The following NEDD9 variants were observed in gnomAD, a reference collection of about 807,000 sequenced individuals.
NEDD9 encodes neural precursor cell expressed, developmentally down-regulated 9.
Under a neutral mutation model 76.6 loss-of-function variants are expected in NEDD9, and 26 were observed. That is an observed-to-expected ratio of 0.34 (90% CI 0.25 to 0.47). The LOEUF (loss-of-function observed/expected upper bound fraction) is 0.47, where lower values mean the gene tolerates loss of function less well. NEDD9 is among the 20% of genes least tolerant of loss of function. The pLI, the probability that NEDD9 is intolerant of heterozygous loss-of-function variation, is 1.00. For synonymous variants in NEDD9, 392 were observed against 414.2 expected, an observed-to-expected ratio of 0.95 and a Z score of 0.65; for missense variants, 937 against 1,058.5, an observed-to-expected ratio of 0.89 and a Z score of 1.59.
intron 3 of NEDD9, chr6:11,305,832 A>G (rs1761170656): frequency 1.2e-6 from 1 of 844,710 alleles, no homozygotes; most frequent in Non-Finnish European, 1.9e-6. Flanking sequence ...CCTAACAGCA[A>G]AATCTGGCAG....
intron 3 of NEDD9, among the ~76,000 whole-genome samples, chr6:11,246,055 G>A (rs1020539139): frequency 1.3e-5 from 2 of 151,914 alleles, no homozygotes; most frequent in African/African-American, 2.4e-5. Flanking sequence ...TTTTTTTCGG[G>A]TGGGGGAGCG....
At chr6:11,282,514 T>C (rs1760555702) in intron 3 of NEDD9, among the ~76,000 whole-genome samples, 1 of 152,208 alleles carries the variant, frequency 6.6e-6, no homozygotes, top group South Asian at 2.1e-4. Context: ...CCTGGATATC[T>C]CATAGACAAT....
chr6:11,210,481 A>C (rs1286066288), intron 2 of NEDD9, among the ~76,000 whole-genome samples: 1 of 152,206 alleles, frequency 6.6e-6, no homozygotes, highest in Non-Finnish European at 1.5e-5. Context: ...TTGCTTTATT[A>C]AGCCAGTCAG....
intron 1 of NEDD9, among the ~76,000 whole-genome samples, chr6:11,351,225 G>A (rs1355565994): frequency 6.6e-6 from 1 of 152,088 alleles, no homozygotes. Flanking sequence ...AAGTGACCAG[G>A]ACCAGGACCA....
At chr6:11,289,672 T>C (rs138147247) in intron 3 of NEDD9, among the ~76,000 whole-genome samples, 6,017 of 152,206 alleles carry the variant, frequency 0.04, 408 homozygotes, top group African/African-American at 0.13. Flanking sequence ...AGGATGGTCT[T>C]GATCTCCTGA....
At chr6:11,372,309 T>C (rs902305247) in intron 1 of NEDD9, among the ~76,000 whole-genome samples, 1 of 152,208 alleles carries the variant, frequency 6.6e-6, no homozygotes, top group Non-Finnish European at 1.5e-5. Context: ...GTTCCATCCA[T>C]GTTGCTGCAA....
chr6:11,276,942 GAAAC>G (rs148488654), intron 3 of NEDD9, among the ~76,000 whole-genome samples: 530 of 150,230 alleles, frequency 3.5e-3, no homozygotes, highest in African/African-American at 0.012. Flanking sequence ...ACAGGATCTG[GAAAC>G]AAACAAACAA....
chr6:11,201,819 C>T (rs1403613058), intron 2 of NEDD9, among the ~76,000 whole-genome samples: 1 of 145,262 alleles, frequency 6.9e-6, no homozygotes, highest in African/African-American at 2.6e-5. Flanking sequence ...ATTCTATGTC[C>T]CGTGATTCCT....
chr6:11,203,942 AAATTTAT>A (rs1177733636), intron 2 of NEDD9, among the ~76,000 whole-genome samples: 1 of 151,404 alleles, frequency 6.6e-6, no homozygotes, highest in Non-Finnish European at 1.5e-5. Flanking sequence ...GGTCAAGTTG[AAATTTAT>A]AATCAATGCT....
chr6:11,332,895 AT>A (rs1762074349), intron 2 of NEDD9, among the ~76,000 whole-genome samples: 1 of 152,200 alleles, frequency 6.6e-6, no homozygotes, highest in African/African-American at 2.4e-5. Flanking sequence ...CTTCAGCAAA[AT>A]AAATGCTGCA....
Position 11,241,630 on chromosome 6 carries a change from T to C in NEDD9, c.13-27903A>G, listed in dbSNP as rs1320599679. ...GGGCGGAGGTAGGGACAGTACACAATGGGGGAGAAGGGAGTGTTTTAAACA... is the reference window on the plus strand; with the variant it reads ...GGGCGGAGGTAGGGACAGTACACAACGGGGGAGAAGGGAGTGTTTTAAACA... On this transcript the variant is annotated intron_variant, in intron 3 of 3. Transcript: ENST00000397378. This position sits in a 1 kb window ranked among gnomAD's most constrained non-coding sequence, Gnocchi z 4.0. 1.3e-5 allele frequency among the ~76,000 whole-genome samples: 2 copies of C among 152,118 alleles called. No homozygotes were observed. The highest frequency in any genetic ancestry group is 2.9e-5 in the Non-Finnish European group (2 of 68,012).
upstream of NEDD9, among the ~76,000 whole-genome samples, chr6:11,236,113 C>T (rs1759593809): frequency 6.6e-6 from 1 of 152,204 alleles, no homozygotes; most frequent in African/African-American, 2.4e-5. The surrounding 1 kb of genome is among the most constrained non-coding windows in gnomAD (Gnocchi z 5.5). Flanking sequence ...AAACAATTCC[C>T]TTCCTCATTT....
At chr6:11,246,255 G>A (rs1461008491) in intron 3 of NEDD9, among the ~76,000 whole-genome samples, 1 of 152,162 alleles carries the variant, frequency 6.6e-6, no homozygotes, top group Non-Finnish European at 1.5e-5. Context: ...TACTGGCTCG[G>A]GGCCTGGCAC....
chr6:11,326,896 A>T (rs1462388583), intron 2 of NEDD9, among the ~76,000 whole-genome samples: 1 of 152,230 alleles, frequency 6.6e-6, no homozygotes, highest in Non-Finnish European at 1.5e-5. Context: ...AACATAAGAG[A>T]TGCATTCAGA....
chr6:11,331,546 G>C (rs117707967), intron 2 of NEDD9, among the ~76,000 whole-genome samples: 1 of 152,192 alleles, frequency 6.6e-6, no homozygotes, highest in East Asian at 1.9e-4. Context: ...TTCAAAAAAT[G>C]TTTAAATGTA....
At position 11,307,431 on chromosome 6, in the gene NEDD9, T is replaced by C. The variant is rs181561015; in HGVS notation, c.-152-1276A>G. On this transcript the variant is annotated intron_variant, in intron 2 of 3. Coordinates refer to the NEDD9 transcript ENST00000397378. Reference sequence around the variant, plus strand: ...CATTTGCTCTGCCTGAACCCATGTGTGGTTACCCCAGTGTCTTGGCCCCAC... The same window carrying C: ...CATTTGCTCTGCCTGAACCCATGTGCGGTTACCCCAGTGTCTTGGCCCCAC... Among the ~76,000 whole-genome samples, 489 of 152,270 alleles carry C rather than the reference T, an allele frequency of 3.2e-3. 1 individual carries two copies. The highest frequency in any genetic ancestry group is 5.0e-3 in the Non-Finnish European group (338 of 68,016).
At chr6:11,220,231 T>C (rs1392398745) in intron 1 of NEDD9, among the ~76,000 whole-genome samples, 2 of 152,128 alleles carry the variant, frequency 1.3e-5, no homozygotes, top group Admixed American at 6.5e-5. Context: ...CCAGACTGCA[T>C]TTCAGGCAGT....
At chr6:11,305,307 T>C in intron 3 of NEDD9, 1 of 417,508 alleles carries the variant, frequency 2.4e-6, no homozygotes, top group Non-Finnish European at 4.1e-6. Context: ...GAAACAGAGA[T>C]TCAAAAGGGT....
intron 3 of NEDD9, among the ~76,000 whole-genome samples, chr6:11,257,118 G>A (rs771254238): frequency 1.3e-5 from 2 of 152,146 alleles, no homozygotes; most frequent in Non-Finnish European, 2.9e-5. Context: ...GGGGACCATC[G>A]ATCACCTGCA....
Sources: allele counts gnomAD v4.1 joint callset (sites outside exome capture counted in the v4.1 genomes callset), GRCh38; gene constraint gnomAD v4.1.1; non-coding constraint Gnocchi (gnomAD v3.1); transcripts MANE v1.5; gene names NCBI Gene and HGNC (gene_info 2026-07-23, HGNC 2026-07-21).